Variants in PTPRD observed in about 807,000 individuals in gnomAD.
PTPRD encodes the protein receptor-type tyrosine-protein phosphatase delta.
PTPRD carries 34 observed loss-of-function variants against 214.5 expected under a neutral mutation model. The observed-to-expected ratio is 0.16, with a 90% CI of 0.12 to 0.21. The LOEUF (loss-of-function observed/expected upper bound fraction) is 0.21, where lower values mean the gene tolerates loss of function less well. Ranked by LOEUF, PTPRD falls within the 10% of genes least tolerant of loss-of-function variation. The pLI is 1.00. For synonymous variants in PTPRD, 1,128 were observed against 845.7 expected (o/e 1.33, Z -5.79); for missense variants, 2,545 against 2,398.7 (o/e 1.06, Z -1.27).
chr9:8,946,315 C>T (rs953785731), intron 11 of PTPRD, among the ~76,000 whole-genome samples: 5 of 152,020 alleles, frequency 3.3e-5, no homozygotes, highest in African/African-American at 9.7e-5. Flanking sequence ...AGTCTTAAAA[C>T]GGAGACCACC....
At chr9:8,485,114 C>T in intron 29 of PTPRD, 113 bp downstream of exon 29, 1 of 768,134 alleles carries the variant, frequency 1.3e-6, no homozygotes, top group Non-Finnish European at 2.1e-6. Flanking sequence ...ATGAAAATAG[C>T]AAGGACACGT....
intron 4 of PTPRD, among the ~76,000 whole-genome samples, chr9:10,001,093 A>T (rs2096298546): frequency 6.6e-6 from 1 of 151,638 alleles, no homozygotes; most frequent in South Asian, 2.1e-4. Context: ...TTCTTTCTTG[A>T]CTATTAAATT....
intron 3 of PTPRD, among the ~76,000 whole-genome samples, chr9:10,071,205 T>C (rs934340819): frequency 3.3e-5 from 5 of 152,016 alleles, no homozygotes; most frequent in African/African-American, 4.8e-5. Flanking sequence ...TACATGAATA[T>C]AGATCTAACA....
At chr9:8,794,163 G>A (rs893599084) in intron 11 of PTPRD, among the ~76,000 whole-genome samples, 3 of 152,128 alleles carry the variant, frequency 2.0e-5, no homozygotes, top group Non-Finnish European at 4.4e-5. Flanking sequence ...TCAGGAAAAG[G>A]AAGGCAAGTA....
At chr9:8,712,445 G>A (rs938263146) in intron 12 of PTPRD, among the ~76,000 whole-genome samples, 3 of 147,748 alleles carry the variant, frequency 2.0e-5, no homozygotes, top group Non-Finnish European at 4.5e-5. Context: ...GTCACTATGT[G>A]CCTTTTTTTT....
intron 2 of PTPRD, among the ~76,000 whole-genome samples, chr9:10,405,127 G>C (rs550084798): frequency 1.3e-5 from 2 of 151,518 alleles, no homozygotes; most frequent in Admixed American, 6.6e-5. Context: ...ATAACTGGCA[G>C]GCAAGTCCTA....
chr9:9,981,031 T>C (rs1414436414), intron 4 of PTPRD, among the ~76,000 whole-genome samples: 2 of 151,238 alleles, frequency 1.3e-5, no homozygotes. Context: ...GGATTTCCAT[T>C]CCAAGATCTA....
intron 7 of PTPRD, among the ~76,000 whole-genome samples, chr9:9,702,349 G>A (rs918665690): frequency 6.6e-6 from 1 of 152,140 alleles, no homozygotes; most frequent in African/African-American, 2.4e-5. Flanking sequence ...GGGCAATAGT[G>A]TGAGATCACA....
At chr9:8,585,547 T>A (rs558842855) in intron 14 of PTPRD, among the ~76,000 whole-genome samples, 6 of 152,316 alleles carry the variant, frequency 3.9e-5, no homozygotes, top group Admixed American at 1.3e-4. Context: ...TTGGGTCACA[T>A]TAATGGCCAT....
At chr9:9,787,777 T>TATTATTATTATTATC (rs1489042956) in intron 5 of PTPRD, among the ~76,000 whole-genome samples, 7 of 151,068 alleles carry the variant, frequency 4.6e-5, no homozygotes, top group Non-Finnish European at 1.0e-4. Flanking sequence ...TTTTATTTAT[T>TATTATTATTATTATC]ATTATTATTA....
At chr9:9,427,909 G>C (rs1029809862) in intron 8 of PTPRD, among the ~76,000 whole-genome samples, 10 of 152,192 alleles carry the variant, frequency 6.6e-5, no homozygotes, top group Non-Finnish European at 1.0e-4. Flanking sequence ...GCTCCTGAAA[G>C]AAGCACTAAA....
chr9:9,694,978 T>C (rs1158571627), intron 7 of PTPRD, among the ~76,000 whole-genome samples: 1 of 152,106 alleles, frequency 6.6e-6, no homozygotes, highest in African/African-American at 2.4e-5. Context: ...TGGTACCTAG[T>C]GTGCAAGACA....
chr9:10,082,461 T>C (rs939215036), intron 3 of PTPRD, among the ~76,000 whole-genome samples: 13 of 152,090 alleles, frequency 8.5e-5, no homozygotes, highest in Non-Finnish European at 1.5e-4. Context: ...CTGATTTATG[T>C]ATATGGCTAC....
intron 7 of PTPRD, among the ~76,000 whole-genome samples, chr9:9,601,892 G>A (rs1440068731): frequency 1.3e-5 from 2 of 152,042 alleles, no homozygotes; most frequent in African/African-American, 4.8e-5. Context: ...TCTTTGGGGT[G>A]AGCATGTAGA....
At chr9:8,649,522 T>C (rs1426023993) in intron 12 of PTPRD, among the ~76,000 whole-genome samples, 1 of 152,234 alleles carries the variant, frequency 6.6e-6, no homozygotes, top group Non-Finnish European at 1.5e-5. Flanking sequence ...GACGTGTGTG[T>C]ACACATGCAG....
At chr9:10,280,153 A>T (rs1265985661) in intron 3 of PTPRD, among the ~76,000 whole-genome samples, 1 of 142,550 alleles carries the variant, frequency 7.0e-6, no homozygotes, top group African/African-American at 3.1e-5. Flanking sequence ...AAAAGCCTAG[A>T]TTTTTTTTGA....
intron 4 of PTPRD, among the ~76,000 whole-genome samples, chr9:9,986,990 C>T (rs150562991): frequency 6.6e-6 from 1 of 151,970 alleles, no homozygotes; most frequent in East Asian, 1.9e-4. Context: ...TAGCTGAATT[C>T]AGTCTCAGAG....
intron 11 of PTPRD, among the ~76,000 whole-genome samples, chr9:8,847,202 T>C (rs951755285): frequency 6.6e-6 from 1 of 152,116 alleles, no homozygotes; most frequent in African/African-American, 2.4e-5. Context: ...ATAAATCAAA[T>C]TCAGGTCGAG....
chr9:9,679,003 T>A (rs886222161), intron 7 of PTPRD, among the ~76,000 whole-genome samples: 1 of 151,560 alleles, frequency 6.6e-6, no homozygotes, highest in Non-Finnish European at 1.5e-5. Context: ...AGAGTAATAA[T>A]GCTAGAAAAG....
Sources: allele counts gnomAD v4.1 joint callset (sites outside exome capture counted in the v4.1 genomes callset), GRCh38; gene constraint gnomAD v4.1.1; transcripts MANE v1.5; gene names NCBI Gene and HGNC (gene_info 2026-07-23, HGNC 2026-07-21).